Variants in CAPN7 observed in about 807,000 individuals in gnomAD.
CAPN7 encodes calpain-7.
In CAPN7, 72 loss-of-function variants were observed where a neutral mutation model predicts 115.2. The observed-to-expected ratio is 0.63, with a 90% CI of 0.52 to 0.76. CAPN7 has a LOEUF of 0.76. Among genes scored for constraint, CAPN7 ranks in the 30% least tolerant of loss-of-function variants. CAPN7 has a pLI of 0.00. For missense variants in CAPN7, 905 were observed against 971.5 expected, an observed-to-expected ratio of 0.93 and a Z score of 0.91; for synonymous variants, 344 against 322.3, an observed-to-expected ratio of 1.07 and a Z score of -0.72.
intron 11 of CAPN7, among the ~76,000 whole-genome samples, chr3:15,234,591 T>G (rs1694879984): frequency 6.6e-6 from 1 of 152,150 alleles, no homozygotes; most frequent in Admixed American, 6.5e-5. Context: ...AAAAGAGAAG[T>G]CTGAGAAGTT....
Position 15,240,582 on chromosome 3 carries a change from A to C in CAPN7, c.1517A>C (p.Asn506Thr). Residue 506 changes from asparagine (N) to threonine (T), a missense_variant, in exon 13 of 21, where the codon AAC (asparagine) becomes ACC (threonine). Physicochemically the swap from Asn to Thr is moderately conservative, Grantham distance 65. This residue lies in a region of CAPN7 where 620 missense variants were observed against 703.4 expected (regional missense o/e 0.88). Coordinates refer to ENST00000253693, the MANE Select transcript of CAPN7 (RefSeq NM_014296.3). ...NWTPELQKYL[N>T]FDPRTAQKID... Reference sequence around the variant, plus strand: ...ACTCCAGAGTTGCAAAAGTATTTAAACTTTGATCCCCGAACAGCTCAGAAA... The same window carrying C: ...ACTCCAGAGTTGCAAAAGTATTTAACCTTTGATCCCCGAACAGCTCAGAAA... The C allele has an allele frequency of 6.2e-7, 1 of 1,612,198 alleles. No homozygotes were observed. Among genetic ancestry groups the C allele is most frequent in the East Asian group, 2.2e-5 (1 of 44,806 alleles).
chr3:15,206,557 A>T lies in CAPN7; in HGVS notation c.62A>T (p.Asp21Val), dbSNP rs1157153267. 6.4e-7 allele frequency: 1 copy of T among 1,555,354 alleles called. No individual in the cohort carries two copies. ...VQFARLAVQR[D>V]HEGRYSEAVF... is the part of the protein sequence containing the mutation. ...TTCGCCCGTCTGGCGGTTCAGCGCGACCACGAAGGCCGCTACTCCGAGGCG... is the reference window on the plus strand; with the variant it reads ...TTCGCCCGTCTGGCGGTTCAGCGCGTCCACGAAGGCCGCTACTCCGAGGCG... Residue 21 changes from aspartate to valine, a missense_variant, in exon 1 of 21, where the codon GAC (aspartate) becomes GTC (valine). By Grantham distance (152) the Asp-to-Val change is radical. This residue lies in a region of CAPN7 where 271 missense variants were observed against 239.6 expected (regional missense o/e 1.13). Transcript: ENST00000253693.
intron 6 of CAPN7, among the ~76,000 whole-genome samples, chr3:15,225,224 T>C (rs1694242453): frequency 6.6e-6 from 1 of 152,232 alleles, no homozygotes; most frequent in African/African-American, 2.4e-5. Context: ...GGCTGTATAT[T>C]CCAAATACTT....
At position 15,218,527 on chromosome 3, in the gene CAPN7, C is replaced by T. The variant is rs932579282; in HGVS notation, c.424C>T (p.Gln142Ter). 6.2e-7 allele frequency: 1 copy of T among 1,612,612 alleles called. No individual in the cohort carries two copies. The highest frequency in any genetic ancestry group is 1.7e-5 in the Admixed American group (1 of 60,022). The change falls in exon 4 of 21, where the codon CAG becomes TAG. Residue 142 changes from glutamine to a stop codon, truncating the protein, a stop_gained. Transcript: ENST00000253693. LOFTEE classifies it high-confidence loss of function. ...AAATAAACTGAAACAGTTGGCTCGACAGGCACTAGACAGGTGAGTTTGATC... is the reference window on the plus strand; with the variant it reads ...AAATAAACTGAAACAGTTGGCTCGATAGGCACTAGACAGGTGAGTTTGATC... ...LQNKLKQLAR[Q>*]ALDRAEALSE...
At chr3:15,246,863 C>G in intron 18 of CAPN7, 69 bp downstream of exon 18, 1 of 1,188,042 alleles carries the variant, frequency 8.4e-7, no homozygotes, top group South Asian at 1.4e-5. Context: ...TCCCATTTCT[C>G]TCATTTTATT....
chr3:15,213,094 C>CT (rs1296799052), intron 2 of CAPN7, among the ~76,000 whole-genome samples: 1 of 152,170 alleles, frequency 6.6e-6, no homozygotes, highest in Non-Finnish European at 1.5e-5. Context: ...TGGAACCTCA[C>CT]TTGATACAAA....
chr3:15,224,300 C>A (rs1227002885), intron 6 of CAPN7, among the ~76,000 whole-genome samples: 1 of 147,528 alleles, frequency 6.8e-6, no homozygotes, highest in Admixed American at 6.8e-5. Context: ...GAGATAGGGT[C>A]TCACTCCCAT....
chr3:15,225,177 T>A (rs1016055123), intron 6 of CAPN7, among the ~76,000 whole-genome samples: 1 of 152,194 alleles, frequency 6.6e-6, no homozygotes, highest in Non-Finnish European at 1.5e-5. Context: ...GCTAGAAAAA[T>A]CATCATTTTG....
intron 8 of CAPN7, among the ~76,000 whole-genome samples, chr3:15,230,201 C>A (rs1235691117): frequency 6.6e-6 from 1 of 152,120 alleles, no homozygotes; most frequent in East Asian, 1.9e-4. Context: ...ACATTGAGCA[C>A]TTTTCAGAGT....
intron 7 of CAPN7, 89 bp from the exon 8 acceptor site, chr3:15,228,885 A>C: frequency 1.1e-6 from 1 of 930,038 alleles, no homozygotes; most frequent in Non-Finnish European, 1.7e-6. Flanking sequence ...TTAGTATAAA[A>C]AGTAGGTACT....
intron 6 of CAPN7, among the ~76,000 whole-genome samples, chr3:15,224,834 G>A (rs1452367538): frequency 6.6e-6 from 1 of 152,120 alleles, no homozygotes; most frequent in Admixed American, 6.6e-5. Flanking sequence ...GTGTTTTGCT[G>A]TTCTTTTGCC....
At chr3:15,221,088 A>G (rs1693953054) in intron 5 of CAPN7, 107 bp downstream of exon 5, 1 of 819,086 alleles carries the variant, frequency 1.2e-6, no homozygotes, top group Admixed American at 2.2e-5. Context: ...CCTATAGTGT[A>G]TTGTGCTGTT....
At chr3:15,237,882 T>C (rs1362079184) in intron 12 of CAPN7, among the ~76,000 whole-genome samples, 4 of 151,658 alleles carry the variant, frequency 2.6e-5, no homozygotes, top group Non-Finnish European at 5.9e-5. Context: ...GAGGCTGAGG[T>C]AGGAGGATCA....
At chr3:15,219,522 T>C (rs1559389938) in intron 4 of CAPN7, among the ~76,000 whole-genome samples, 1 of 152,224 alleles carries the variant, frequency 6.6e-6, no homozygotes, top group Non-Finnish European at 1.5e-5. Context: ...CTTGACTTCT[T>C]TCACCTGTCA....
Position 15,232,635 on chromosome 3 carries a change from G to A in CAPN7, c.1149G>A (p.Met383Ile), listed in dbSNP as rs1372208086. 39 of 1,609,834 alleles carry A rather than the reference G, an allele frequency of 2.4e-5. No homozygotes were observed. Among genetic ancestry groups the A allele is most frequent in the Non-Finnish European group, 3.1e-5 (36 of 1,178,458 alleles). Residue 383 changes from methionine to isoleucine, a missense_variant, in exon 10 of 21, where the codon ATG (methionine) becomes ATA (isoleucine). By Grantham distance (10) the Met-to-Ile change is conservative. Around this residue, in one of 3 missense-constraint regions of CAPN7, gnomAD observed 620 missense variants for 703.4 expected, o/e 0.88. Transcript: ENST00000253693. ...SLIEKAYMKV[M>I]GGYDFPGSNS... is the part of the protein sequence containing the mutation. ...TAGAAAAAGCATACATGAAAGTCAT[G>A]GGAGGATATGATTTTCCAGGATCCA...
At chr3:15,247,984 A>G (rs748004316) in intron 19 of CAPN7, among the ~76,000 whole-genome samples, 1 of 150,438 alleles carries the variant, frequency 6.6e-6, no homozygotes, top group Non-Finnish European at 1.5e-5. Flanking sequence ...ATGAGATCAC[A>G]TGGACACAGG....
chr3:15,249,144 A>T (rs1292207890), intron 19 of CAPN7, among the ~76,000 whole-genome samples: 4 of 152,090 alleles, frequency 2.6e-5, no homozygotes, highest in Non-Finnish European at 5.9e-5. Context: ...CGAAGATTTG[A>T]TTAAACTATT....
At chr3:15,233,078 G>A (rs1306051831) in intron 10 of CAPN7, among the ~76,000 whole-genome samples, 1 of 152,148 alleles carries the variant, frequency 6.6e-6, no homozygotes. Context: ...CTAGACTTGA[G>A]CCAGAAAGAA....
chr3:15,206,281 T>C lies in CAPN7; in HGVS notation c.-215T>C. 1 of 431,318 alleles carries C rather than the reference T, an allele frequency of 2.3e-6. No individual in the cohort carries two copies. Among genetic ancestry groups the C allele is most frequent in the Non-Finnish European group, 4.1e-6 (1 of 241,972 alleles). The allele number at this position is 431,318 out of a possible 1,614,324, so 26.7% of individuals were successfully genotyped here. On this transcript the variant is annotated 5_prime_UTR_variant, in exon 1 of 21. Coordinates refer to ENST00000253693, the MANE Select transcript of CAPN7 (RefSeq NM_014296.3). ...GGGGCCGCGAAGTGGGGCGGCCGGG[T>C]GGGCTACAAGCCGGGTCTGGGCTGA... is the stretch of plus-strand genomic sequence containing the variant.
Sources: allele counts gnomAD v4.1 joint callset (sites outside exome capture counted in the v4.1 genomes callset), GRCh38; gene constraint gnomAD v4.1.1; regional missense constraint gnomAD v4.1.1; transcripts MANE v1.5; gene names NCBI Gene and HGNC (gene_info 2026-07-23, HGNC 2026-07-21).